GNE: variants seen among roughly 807,000 people sequenced by gnomAD.
The protein encoded by GNE is bifunctional UDP-N-acetylglucosamine 2-epimerase/N-acetylmannosamine kinase.
A neutral mutation model predicts 61.8 loss-of-function variants in GNE; 41 were observed. The observed-to-expected ratio is 0.66, with a 90% CI of 0.52 to 0.86. The LOEUF (loss-of-function observed/expected upper bound fraction) is 0.86, where lower values mean the gene tolerates loss of function less well. Ranked by LOEUF, GNE falls within the 40% of genes least tolerant of loss-of-function variation. The pLI, the probability that GNE is intolerant of heterozygous loss-of-function variation, is 0.00. For missense variants in GNE, 608 were observed against 909.1 expected (o/e 0.67, Z 4.26); for synonymous variants, 264 against 326.4 (o/e 0.81, Z 2.06).
intron 3 of GNE, among the ~76,000 whole-genome samples, chr9:36,244,794 G>A (rs972327130): frequency 6.6e-6 from 1 of 151,292 alleles, no homozygotes; most frequent in Non-Finnish European, 1.5e-5. Context: ...AAAAAAATTA[G>A]CCAGGTGTGG....
chr9:36,242,565 G>A (rs541959059), intron 3 of GNE, among the ~76,000 whole-genome samples: 191 of 151,594 alleles, frequency 1.3e-3, no homozygotes, highest in Middle Eastern at 6.8e-3. Context: ...GACTACAGGT[G>A]TGCGCCACCA....
chr9:36,232,554 C>T (rs1258994085), intron 5 of GNE, among the ~76,000 whole-genome samples: 1 of 152,194 alleles, frequency 6.6e-6, no homozygotes, highest in Non-Finnish European at 1.5e-5. Flanking sequence ...TTCTCAAATA[C>T]ACCAAGTTCA....
chr9:36,224,680 C>T lies in GNE; in HGVS notation c.1282-1178G>A, dbSNP rs906797072. On this transcript the variant is annotated intron_variant, in intron 7 of 11. Transcript: ENST00000642385. ...ACCTCAGGAGTTCAAGACCAGCCTG[C>T]GCAATAAGAGGAAATCCCATCTCTA... Among the ~76,000 whole-genome samples the T allele has an allele frequency of 5.3e-5, 8 of 152,038 alleles. 1 individual carries two copies. The South Asian group carries it at 1.0e-3, about 20-fold the overall frequency.
At chr9:36,244,663 C>T (rs1170835148) in intron 3 of GNE, among the ~76,000 whole-genome samples, 3 of 151,900 alleles carry the variant, frequency 2.0e-5, no homozygotes, top group African/African-American at 4.8e-5. Context: ...ATGAGCCAGG[C>T]GCGGTGGCTC....
At chr9:36,258,166 A>T (rs1402691695) in intron 1 of GNE, among the ~76,000 whole-genome samples, 155 bp downstream of exon 1, 1 of 152,178 alleles carries the variant, frequency 6.6e-6, no homozygotes, top group Non-Finnish European at 1.5e-5. Flanking sequence ...GGCCTGCAGG[A>T]CATTGGGCGA....
chr9:36,275,731 G>A (rs1268681463), intron 1 of GNE, among the ~76,000 whole-genome samples: 3 of 152,144 alleles, frequency 2.0e-5, no homozygotes, highest in Non-Finnish European at 4.4e-5. Flanking sequence ...CAGAAAGTCT[G>A]ACCTTGAATT....
intron 5 of GNE, among the ~76,000 whole-genome samples, chr9:36,230,623 A>C (rs1829099938): frequency 6.7e-6 from 1 of 149,156 alleles, no homozygotes; most frequent in South Asian, 2.1e-4. Flanking sequence ...GGTCCACCTA[A>C]TTTTAAAATT....
intron 9 of GNE, among the ~76,000 whole-genome samples, chr9:36,222,367 C>T (rs1349979683): frequency 6.8e-6 from 1 of 146,116 alleles, no homozygotes; most frequent in African/African-American, 2.5e-5. Context: ...TGCAGTGAGC[C>T]GAGATCCCGC....
intron 9 of GNE, among the ~76,000 whole-genome samples, chr9:36,222,418 C>CAAAA (rs753437656): frequency 1.7e-5 from 2 of 117,294 alleles, no homozygotes; most frequent in Admixed American, 1.8e-4. Flanking sequence ...GACTCCGTCT[C>CAAAA]AAAAAAAAAA....
intron 3 of GNE, among the ~76,000 whole-genome samples, chr9:36,243,684 A>G (rs949045542): frequency 6.6e-6 from 1 of 152,086 alleles, no homozygotes; most frequent in Admixed American, 6.6e-5. Context: ...CTCTACAAAA[A>G]AATTTTAAAA....
chr9:36,258,927 A>C (rs1830515511), upstream of GNE, among the ~76,000 whole-genome samples: 1 of 152,146 alleles, frequency 6.6e-6, no homozygotes. Context: ...TGAATTGATG[A>C]CCAAGGCATG....
At position 36,217,545 on chromosome 9, in the gene GNE, G is replaced by A. The variant is rs2132993686; in HGVS notation, c.1989C>T (p.Ser663=). 6.2e-7 allele frequency: 1 copy of A among 1,614,150 alleles called. No individual in the cohort carries two copies. The highest frequency in any genetic ancestry group is 8.5e-7 in the Non-Finnish European group (1 of 1,179,964). ...CCAGGACTCCGGAGAGGATCACAAGGGAGGGATTCATGGTATGGAGGATGT... is the reference window on the plus strand; with the variant it reads ...CCAGGACTCCGGAGAGGATCACAAGAGAGGGATTCATGGTATGGAGGATGT... ...VVNILHTMNP[S]LVILSGVLAS... The change falls in exon 12 of 12, where the codon TCC becomes TCT. Residue 663 remains serine (S), a synonymous_variant. Coordinates refer to ENST00000642385, the MANE Select transcript of GNE (RefSeq NM_005476.7).
chr9:36,248,148 G>C (rs1030185657), intron 2 of GNE, among the ~76,000 whole-genome samples: 2 of 152,132 alleles, frequency 1.3e-5, no homozygotes, highest in African/African-American at 4.8e-5. Flanking sequence ...AGTCTGAAAA[G>C]GACAATTTTA....
At chr9:36,239,610 C>T (rs1164312707) in intron 3 of GNE, among the ~76,000 whole-genome samples, 1 of 151,936 alleles carries the variant, frequency 6.6e-6, no homozygotes, top group Non-Finnish European at 1.5e-5. Flanking sequence ...GTATCTGGGA[C>T]TACAGGTGCA....
At chr9:36,238,023 CATAGATACAGAT>C (rs1829468012) in intron 3 of GNE, among the ~76,000 whole-genome samples, 1 of 151,698 alleles carries the variant, frequency 6.6e-6, no homozygotes, top group African/African-American at 2.4e-5. Flanking sequence ...AGTATTCCAT[CATAGATACAGAT>C]ATAGATGTAG....
chr9:36,252,901 G>A (rs575278566), intron 1 of GNE, among the ~76,000 whole-genome samples: 4 of 152,294 alleles, frequency 2.6e-5, no homozygotes, highest in African/African-American at 7.2e-5. Flanking sequence ...GCTCACGCCT[G>A]TAATCCCAAC....
upstream of GNE, chr9:36,263,447 G>A (rs28488673): frequency 0.016 from 2,558 of 157,426 alleles, 77 homozygotes; most frequent in African/African-American, 0.058. Context: ...TTACAGGTAT[G>A]AGCCACCGCG....
intron 11 of GNE, 44 bp from the exon 12 acceptor site, chr9:36,217,644 A>G: frequency 8.1e-7 from 1 of 1,235,826 alleles, no homozygotes; most frequent in Non-Finnish European, 1.2e-6. Flanking sequence ...AGAGAAGCCA[A>G]AATCAAAATA....
intron 3 of GNE, among the ~76,000 whole-genome samples, chr9:36,242,657 A>C (rs1360138191): frequency 6.8e-6 from 1 of 146,854 alleles, no homozygotes; most frequent in Admixed American, 6.8e-5. Context: ...TGACCTCATG[A>C]TCTGCCCGCC....
Sources: allele counts gnomAD v4.1 joint callset (sites outside exome capture counted in the v4.1 genomes callset), GRCh38; gene constraint gnomAD v4.1.1; transcripts MANE v1.5; gene names NCBI Gene and HGNC (gene_info 2026-07-23, HGNC 2026-07-21).